The following PSG8 variants were observed in gnomAD, a reference collection of about 807,000 sequenced individuals.
PSG8 encodes pregnancy specific beta-1-glycoprotein 8, also known as pregnancy-specific beta-1-glycoprotein 8.
In PSG8, 57 loss-of-function variants were observed where a neutral mutation model predicts 42.5. The ratio of observed to expected loss-of-function variants is 1.34; its 90% CI spans 1.08 to 1.67. The LOEUF is 1.67. Among genes scored for constraint, PSG8 ranks in the 40% most tolerant of loss-of-function variants. The pLI is 0.00. For synonymous variants in PSG8, 280 were observed against 196.8 expected (o/e 1.42, Z -3.54); for missense variants, 783 against 518.6 (o/e 1.51, Z -4.95).
At chr19:42,754,642 C>G in intron 4 of PSG8, 55 bp from the exon 5 acceptor site, 1 of 1,566,894 alleles carries the variant, frequency 6.4e-7, no homozygotes, top group Non-Finnish European at 8.7e-7. Flanking sequence ...AGGGGATGTT[C>G]CTGGTCTCTT....
Position 42,755,249 on chromosome 19 carries a change from A to G in PSG8, c.727T>C (p.Tyr243His), listed in dbSNP as rs1228529789. 6.2e-7 allele frequency: 1 copy of G among 1,612,258 alleles called. No homozygotes were observed. The highest frequency in any genetic ancestry group is 8.5e-7 in the Non-Finnish European group (1 of 1,179,790). The part of the protein sequence containing the change: ...LNLLPKLPKP[Y>H]ITINNLKPRE... The stretch of plus-strand genomic sequence containing the variant: ...GGTTTTAAGTTGTTGATGGTGATGT[A>G]GGGCTTGGGCAGCTTCGCTGTGTGG... The change falls in exon 4 of 5, where the codon TAC (tyrosine) becomes CAC (histidine). Residue 243 changes from tyrosine to histidine, a missense_variant. Physicochemically the swap from Tyr to His is moderately conservative, Grantham distance 83 (BLOSUM62 2). Coordinates refer to ENST00000306511, the MANE Select transcript of PSG8 (RefSeq NM_182707.3).
intron 2 of PSG8, chr19:42,758,529 G>T: frequency 2.4e-6 from 2 of 820,566 alleles, no homozygotes; most frequent in South Asian, 2.1e-5. Context: ...GTCATGGAAA[G>T]ACACAGGACC....
intron 3 of PSG8, among the ~76,000 whole-genome samples, chr19:42,757,778 G>A (rs1339993171): frequency 3.3e-5 from 5 of 152,140 alleles, no homozygotes; most frequent in African/African-American, 4.8e-5. Flanking sequence ...CCCATCACAA[G>A]CTGTGGACGC....
At chr19:42,758,994 C>G (rs553483407) in intron 2 of PSG8, 1 of 152,728 alleles carries the variant, frequency 6.5e-6, no homozygotes, top group Admixed American at 6.5e-5. Flanking sequence ...ACCAAGACCA[C>G]GTTCCCTGTT....
Position 42,755,233 on chromosome 19 carries a change from T to G in PSG8, c.743A>C (p.Asn248Thr), listed in dbSNP as rs78350496. ...KLPKPYITIN[N>T]LKPRENKDVL... ...ATCCTTATTCTCCCTGGGTTTTAAG[T>G]TGTTGATGGTGATGTAGGGCTTGGG... is the stretch of plus-strand genomic sequence containing the variant. Residue 248 changes from asparagine (N) to threonine (T), a missense_variant, in exon 4 of 5, where the codon AAC becomes ACC. Coordinates refer to ENST00000306511, the MANE Select transcript of PSG8 (RefSeq NM_182707.3). 6.2e-7 allele frequency: 1 copy of G among 1,611,976 alleles called. No homozygotes were observed. The highest frequency in any genetic ancestry group is 1.3e-5 in the African/African-American group (1 of 74,808).
Position 42,761,820 on chromosome 19 carries a change from A to ATTTTTTTTTTT in PSG8, c.430+2085_430+2095dup, listed in dbSNP as rs58868359. 4.6e-3 allele frequency among the ~76,000 whole-genome samples: 322 copies of ATTTTTTTTTTT among 70,472 alleles called. 17 individuals are homozygous for ATTTTTTTTTTT. Among genetic ancestry groups the ATTTTTTTTTTT allele is most frequent in the East Asian group, 6.2e-3 (12 of 1,928 alleles). The allele number at this position is 70,472 out of a possible 152,430, so 46.2% of individuals were successfully genotyped here. A position where few individuals can be genotyped will look rare whatever the true frequency, so the allele number is the denominator to read the frequency against. ...TTGACTAGAAACCAACATTTCAATAATTTTTTTTTTTTTTTTTTTTTTTTT... is the reference window on the plus strand; with the variant it reads ...TTGACTAGAAACCAACATTTCAATAATTTTTTTTTTTTTTTTTTTTTTTTTTTTTTTTTTTT... On this transcript the variant is annotated intron_variant, in intron 2 of 4. Transcript: ENST00000306511.
intron 2 of PSG8, among the ~76,000 whole-genome samples, chr19:42,761,084 C>A (rs778706249): frequency 6.6e-6 from 1 of 152,090 alleles, no homozygotes; most frequent in Non-Finnish European, 1.5e-5. Context: ...GGACTGCAGG[C>A]CTGTCCAGCC....
chr19:42,753,990 TA>T (rs757498519), downstream of PSG8: 1 of 696,022 alleles, frequency 1.4e-6, no homozygotes, highest in East Asian at 3.7e-5. Context: ...ACAGATAGGT[TA>T]AAAGAGAAAA....
At chr19:42,755,658 T>G (rs1969906579) in intron 3 of PSG8, 2 of 280,970 alleles carry the variant, frequency 7.1e-6, no homozygotes, top group Non-Finnish European at 1.3e-5. Flanking sequence ...ATTGTCCCCC[T>G]AGATGTGATT....
rs1385825098 is a variant in PSG8, at chr19:42,756,124, A to G, written c.710-858T>C. ...AGAAAGGGTGGGAAGGATCTGCTGGAAATCTGGTCCTCATGGACCATGTGT... is the reference window on the plus strand; with the variant it reads ...AGAAAGGGTGGGAAGGATCTGCTGGGAATCTGGTCCTCATGGACCATGTGT... On this transcript the variant is annotated intron_variant, in intron 3 of 4. Coordinates refer to ENST00000306511, the MANE Select transcript of PSG8 (RefSeq NM_182707.3). 6 of 152,236 alleles carry G rather than the reference A, an allele frequency of 3.9e-5. 1 individual carries two copies. In the South Asian group the frequency reaches 1.2e-3, roughly 32 times the overall value. 9.4% of individuals were successfully genotyped at this position (152,236 alleles called of 1,614,324 possible). A position where few individuals can be genotyped will look rare whatever the true frequency, so the allele number is the denominator to read the frequency against.
chr19:42,758,172 C>T lies in PSG8; in HGVS notation c.539G>A (p.Trp180Ter), dbSNP rs1969978816. 5 of 1,614,006 alleles carry T rather than the reference C, an allele frequency of 3.1e-6. No individual in the cohort carries two copies. The South Asian group carries it at 4.4e-5, about 14-fold the overall frequency. Residue 180 changes from tryptophan (W) to a stop codon, truncating the protein, a stop_gained, in exon 3 of 5, where the codon TGG becomes TAG. Coordinates refer to ENST00000306511, the MANE Select transcript of PSG8 (RefSeq NM_182707.3). LOFTEE classifies it high-confidence loss of function. ...DPETPDASYL[W>*]WMNGQSLPMS... The stretch of plus-strand genomic sequence containing the variant: ...AGGGAGGCTCTGACCATTCATCCAC[C>T]ACAGGTAGCTTGCGTCCGGAGTCTC...
rs1408590772 is a variant in PSG8, at chr19:42,761,047, T to C, written c.431-2767A>G. Among the ~76,000 whole-genome samples, 4 of 149,228 alleles carry C rather than the reference T, an allele frequency of 2.7e-5. No homozygotes were observed. The East Asian group carries it at 5.8e-4, about 22-fold the overall frequency. The stretch of plus-strand genomic sequence containing the variant: ...CCATAGCAGGTTGAGGATGGAGTCA[T>C]GGGCGAAATGAGCCCATGGGCTTTG... On this transcript the variant is annotated intron_variant, in intron 2 of 4. Transcript: ENST00000306511.
chr19:42,757,128 T>A (rs1253788726), intron 3 of PSG8, among the ~76,000 whole-genome samples: 1 of 152,164 alleles, frequency 6.6e-6, no homozygotes, highest in Non-Finnish European at 1.5e-5. Flanking sequence ...CTTAATTTCC[T>A]TTCGGATTGT....
chr19:42,764,142 G>C lies in PSG8; in HGVS notation c.204C>G (p.Tyr68Ter), dbSNP rs138118337. The change falls in exon 2 of 5, where the codon TAC becomes TAG. Residue 68 changes from tyrosine to a stop codon, truncating the protein, a stop_gained. Coordinates refer to ENST00000306511, the MANE Select transcript of PSG8 (RefSeq NM_182707.3). LOFTEE classifies it high-confidence loss of function. Reference sequence around the variant, plus strand: ...GGTAGAGGTCCCTGATTTGCCCTTTGTACCAGATGTAGCCAGTAAGATTCT... The same window carrying C: ...GGTAGAGGTCCCTGATTTGCCCTTTCTACCAGATGTAGCCAGTAAGATTCT... The part of the protein sequence containing the change: ...LPQNLTGYIW[Y>*]KGQIRDLYHY... 24 of 1,613,750 alleles carry C rather than the reference G, an allele frequency of 1.5e-5. No individual in the cohort carries two copies. In the African/African-American group the frequency reaches 1.9e-4, roughly 13 times the overall value.
chr19:42,753,802 G>A, downstream of PSG8: 4 of 424,440 alleles, frequency 9.4e-6, no homozygotes, highest in Middle Eastern at 7.4e-4. Flanking sequence ...TTTGAAATGT[G>A]TCCTGTTACA....
chr19:42,763,446 C>A (rs958041862), intron 2 of PSG8, among the ~76,000 whole-genome samples: 4 of 152,150 alleles, frequency 2.6e-5, no homozygotes, highest in Non-Finnish European at 5.9e-5. Flanking sequence ...CCCAGTAAGC[C>A]CTGCCCAAGA....
At position 42,754,640 on chromosome 19, in the gene PSG8, T is replaced by C. The variant is rs572680084; in HGVS notation, c.989-53A>G. The stretch of plus-strand genomic sequence containing the variant: ...TGATGTCATCTGAGGGAAGGGGATG[T>C]TCCTGGTCTCTTAAAGGGACACAGT... On this transcript the variant is annotated intron_variant, in intron 4 of 4. Transcript: ENST00000306511. 1,981 of 1,569,540 alleles carry C rather than the reference T, an allele frequency of 1.3e-3. 8 individuals are homozygous for C. Among genetic ancestry groups the C allele is most frequent in the Non-Finnish European group, 1.6e-3 (1,831 of 1,153,718 alleles).
At chr19:42,757,919 C>T in intron 3 of PSG8, 83 bp downstream of exon 3, 1 of 1,613,528 alleles carries the variant, frequency 6.2e-7, no homozygotes, top group Non-Finnish European at 8.5e-7. Flanking sequence ...GTACTTGGAC[C>T]TGAGAGGGAC....
At chr19:42,763,506 G>T (rs1970128733) in intron 2 of PSG8, among the ~76,000 whole-genome samples, 2 of 152,164 alleles carry the variant, frequency 1.3e-5, no homozygotes, top group Admixed American at 1.3e-4. Flanking sequence ...CTGGAGCAAG[G>T]ATTTAGGGAC....
Sources: gnomAD v4.1 joint callset for allele counts (sites outside exome capture counted in the v4.1 genomes callset) on GRCh38, gnomAD v4.1.1 for gene constraint, MANE v1.5 for transcripts, NCBI Gene and HGNC (gene_info 2026-07-23, HGNC 2026-07-21) for gene names.